Variants in NRAP observed in about 807,000 individuals in gnomAD.
NRAP encodes nebulin-related-anchoring protein.
A neutral mutation model predicts 225.9 loss-of-function variants in NRAP; 189 were observed. That is an observed-to-expected ratio of 0.84 (90% CI 0.74 to 0.94). NRAP has a LOEUF of 0.94. NRAP is among the 40% of genes least tolerant of loss of function. NRAP has a pLI of 0.00. For missense variants in NRAP, 2,176 were observed against 2,168.7 expected, an observed-to-expected ratio of 1.00 and a Z score of -0.07; for synonymous variants, 769 against 790.7, an observed-to-expected ratio of 0.97 and a Z score of 0.46.
chr10:113,640,532 C>T (rs532513435), intron 13 of NRAP, among the ~76,000 whole-genome samples: 2 of 152,300 alleles, frequency 1.3e-5, no homozygotes, highest in South Asian at 4.1e-4. Flanking sequence ...TAGTTAACTT[C>T]CATCTGTAGC....
At chr10:113,641,877 T>C (rs1439808764) in intron 12 of NRAP, among the ~76,000 whole-genome samples, 6 of 152,208 alleles carry the variant, frequency 3.9e-5, no homozygotes, top group Admixed American at 2.0e-4. Context: ...AATCACTGCA[T>C]GCCATTACCT....
intron 21 of NRAP, 113 bp from the exon 22 acceptor site, chr10:113,625,043 C>A: frequency 1.5e-6 from 1 of 674,562 alleles, no homozygotes; most frequent in South Asian, 1.8e-5. Context: ...CACAGAAAGT[C>A]CATTACAAAA....
chr10:113,633,952 C>T (rs1380772195), intron 15 of NRAP, among the ~76,000 whole-genome samples, 160 bp downstream of exon 15: 1 of 151,996 alleles, frequency 6.6e-6, no homozygotes, highest in Non-Finnish European at 1.5e-5. Context: ...CAAAATTTTC[C>T]ATAATAAAAA....
rs377059888 is a variant in NRAP, at chr10:113,597,921, A to T, written c.4332+48T>A. ...TAAACAGATTCCCTCTTCAAAAGGA[A>T]ATGCTAGCTTGCCCTTGTCACTTGT... On this transcript the variant is annotated intron_variant, in intron 36 of 41. Coordinates refer to ENST00000359988, the MANE Select transcript of NRAP (RefSeq NM_198060.4). 11 of 1,301,638 alleles carry T rather than the reference A, an allele frequency of 8.5e-6. No homozygotes were observed. The Admixed American group carries it at 1.8e-4, about 22-fold the overall frequency. The allele number at this position is 1,301,638 out of a possible 1,614,324, so 80.6% of individuals were successfully genotyped here.
intron 41 of NRAP, 95 bp downstream of exon 41, chr10:113,589,570 GA>G: frequency 6.9e-7 from 1 of 1,446,830 alleles, no homozygotes; most frequent in Non-Finnish European, 9.4e-7. Flanking sequence ...AGAGCTAGCT[GA>G]CCTTTGGCCA....
intron 41 of NRAP, 153 bp from the exon 42 acceptor site, chr10:113,589,232 A>C (rs1845784379): frequency 1.6e-6 from 1 of 612,418 alleles, no homozygotes; most frequent in African/African-American, 1.8e-5. Flanking sequence ...CCCAAGAAAA[A>C]GGGCCTTCAA....
At chr10:113,603,690 A>C (rs1386239748) in intron 35 of NRAP, among the ~76,000 whole-genome samples, 2 of 152,124 alleles carry the variant, frequency 1.3e-5, no homozygotes, top group African/African-American at 4.8e-5. Flanking sequence ...GGCCTCAAAC[A>C]GGCCAAGGCT....
chr10:113,651,581 A>G (rs1190125112), intron 7 of NRAP, among the ~76,000 whole-genome samples: 2 of 152,128 alleles, frequency 1.3e-5, no homozygotes, highest in Admixed American at 1.3e-4. Flanking sequence ...TATAAGTGAG[A>G]ACATGGGGTG....
rs758495175 is a variant in NRAP, at chr10:113,597,145, T to C, written c.4372A>G (p.Thr1458Ala). 1.1e-5 allele frequency: 17 copies of C among 1,613,558 alleles called. No individual in the cohort carries two copies. Among genetic ancestry groups the C allele is most frequent in the African/African-American group, 1.3e-5 (1 of 74,916 alleles). The part of the protein sequence containing the change: ...RKKPDSIKFT[T>A]VVDSPDLVHA... ...ACCAGGTCTGGGGAGTCAACCACTG[T>C]GGTGAACTTGATACTGTCTGGTTTT... The change falls in exon 37 of 42, where the codon ACA becomes GCA. Residue 1458 changes from threonine (T) to alanine (A), a missense_variant. Thr to Ala is a moderately conservative substitution (Grantham distance 58, BLOSUM62 0). Around this residue, in one of 3 missense-constraint regions of NRAP, gnomAD observed 445 missense variants for 426.1 expected, o/e 1.04. Transcript: ENST00000359988.
At chr10:113,599,913 G>A (rs562212531) in intron 35 of NRAP, among the ~76,000 whole-genome samples, 2 of 152,258 alleles carry the variant, frequency 1.3e-5, no homozygotes, top group South Asian at 4.2e-4. Context: ...CACACATGGG[G>A]TTACCCGGCA....
chr10:113,632,270 G>A (rs1848621700), intron 16 of NRAP, among the ~76,000 whole-genome samples: 1 of 152,184 alleles, frequency 6.6e-6, no homozygotes, highest in Admixed American at 6.5e-5. Context: ...TTTGCAAAGA[G>A]TGTATCATAT....
intron 37 of NRAP, among the ~76,000 whole-genome samples, chr10:113,596,529 A>G (rs1337849597): frequency 6.6e-6 from 1 of 152,244 alleles, no homozygotes; most frequent in Non-Finnish European, 1.5e-5. Flanking sequence ...GACAGGAATG[A>G]GGAAATAGGG....
At chr10:113,589,384 A>C in intron 41 of NRAP, 1 of 572,586 alleles carries the variant, frequency 1.7e-6, no homozygotes, top group Non-Finnish European at 3.1e-6. Flanking sequence ...CAGTCAGCAC[A>C]GCCTGGGCTG....
At chr10:113,589,198 TTCCTTTTC>T in intron 41 of NRAP, 119 bp from the exon 42 acceptor site, 1 of 756,460 alleles carries the variant, frequency 1.3e-6, no homozygotes, top group Admixed American at 2.7e-5. Context: ...CACCCTCCCT[TTCCTTTTC>T]CCCTCTTCTA....
intron 14 of NRAP, among the ~76,000 whole-genome samples, chr10:113,637,186 T>A (rs1225816868): frequency 6.6e-6 from 1 of 152,170 alleles, no homozygotes; most frequent in East Asian, 1.9e-4. Flanking sequence ...ACATGGTACT[T>A]ACTATGCACC....
chr10:113,622,944 G>A (rs1848084395), intron 23 of NRAP, among the ~76,000 whole-genome samples: 1 of 152,230 alleles, frequency 6.6e-6, no homozygotes, highest in Non-Finnish European at 1.5e-5. Context: ...CTCGATAAAG[G>A]AAGCAGAGTT....
At chr10:113,620,928 C>A (rs1847951016) in intron 24 of NRAP, among the ~76,000 whole-genome samples, 1 of 152,174 alleles carries the variant, frequency 6.6e-6, no homozygotes, top group South Asian at 2.1e-4. Context: ...GCTTTAGGCC[C>A]CATCCAACAC....
At position 113,612,425 on chromosome 10, in the gene NRAP, A is replaced by G; in HGVS notation, c.3307T>C (p.Tyr1103His). 6.2e-7 allele frequency: 1 copy of G among 1,613,906 alleles called. No homozygotes were observed. The highest frequency in any genetic ancestry group is 8.5e-7 in the Non-Finnish European group (1 of 1,179,872). The change falls in exon 30 of 42, where the codon TAC (tyrosine) becomes CAC (histidine). Residue 1103 changes from tyrosine (Y) to histidine (H), a missense_variant. Transcript: ENST00000359988. ...TTTGAGTGTTCAAAGCCTTTCTTGT[A>G]ATTCACCTAGAGGGGCAGACAGAGC... ...YATSLQSDVN[Y>H]KKGFEHSKAQ...
At chr10:113,626,270 T>A in intron 20 of NRAP, 125 bp from the exon 21 acceptor site, 2 of 663,552 alleles carry the variant, frequency 3.0e-6, no homozygotes, top group South Asian at 3.9e-5. Context: ...AGGAATGTTC[T>A]AGTTGTTCCT....
Sources: allele counts gnomAD v4.1 joint callset (sites outside exome capture counted in the v4.1 genomes callset), GRCh38; gene constraint gnomAD v4.1.1; regional missense constraint gnomAD v4.1.1; transcripts MANE v1.5; gene names NCBI Gene and HGNC (gene_info 2026-07-23, HGNC 2026-07-21).